DENND2B: variants seen among roughly 807,000 people sequenced by gnomAD.
The protein encoded by DENND2B is DENN domain containing 2B.
Under a neutral mutation model 116.0 loss-of-function variants are expected in DENND2B, and 32 were observed. That is an observed-to-expected ratio of 0.28 (90% CI 0.21 to 0.37). The LOEUF (loss-of-function observed/expected upper bound fraction) is 0.37, where lower values mean the gene tolerates loss of function less well. Ranked by LOEUF, DENND2B falls within the 10% of genes least tolerant of loss-of-function variation. DENND2B has a pLI of 1.00. For synonymous variants in DENND2B, 588 were observed against 583.9 expected (o/e 1.01, Z -0.10); for missense variants, 1,276 against 1,477.7 (o/e 0.86, Z 2.24).
intron 2 of DENND2B, among the ~76,000 whole-genome samples, chr11:8,737,889 A>G (rs996607607): frequency 1.3e-5 from 2 of 150,896 alleles, no homozygotes; most frequent in African/African-American, 4.9e-5. Context: ...CTGGGACTAC[A>G]GGTTCATGCC....
At position 8,810,546 on chromosome 11, in the gene DENND2B, C is replaced by G. The variant is rs1301260145; in HGVS notation, c.-55G>C. On this transcript the variant is annotated 5_prime_UTR_variant, in exon 1 of 20. Transcript: ENST00000313726. ...AAGTCCCGCTGCTTTCCTGCCCACTCCATTCTCACACCGCAGCCGGCTAGG... is the reference window on the plus strand; with the variant it reads ...AAGTCCCGCTGCTTTCCTGCCCACTGCATTCTCACACCGCAGCCGGCTAGG... The G allele has an allele frequency of 2.0e-5, 3 of 152,318 alleles. No individual in the cohort carries two copies. The highest frequency in any genetic ancestry group is 1.3e-4 in the Admixed American group (2 of 15,290). The allele number at this position is 152,318 out of a possible 1,614,324, so 9.4% of individuals were successfully genotyped here. A position where few individuals can be genotyped will look rare whatever the true frequency, so the allele number is the denominator to read the frequency against.
At chr11:8,771,115 C>T (rs2056770603) in intron 1 of DENND2B, among the ~76,000 whole-genome samples, 3 of 152,126 alleles carry the variant, frequency 2.0e-5, no homozygotes, top group Non-Finnish European at 2.9e-5. Flanking sequence ...GGCTTTTCCT[C>T]GAAAACATAT....
intron 2 of DENND2B, among the ~76,000 whole-genome samples, chr11:8,742,168 G>A (rs2050338190): frequency 6.6e-6 from 1 of 152,186 alleles, no homozygotes; most frequent in Non-Finnish European, 1.5e-5. Flanking sequence ...CCAAAGTGCT[G>A]GGATTACAAG....
intron 1 of DENND2B, among the ~76,000 whole-genome samples, chr11:8,805,193 T>G (rs2060734815): frequency 6.6e-6 from 1 of 152,200 alleles, no homozygotes; most frequent in Admixed American, 6.5e-5. Context: ...ATCACTGCAG[T>G]GCACTGCAAT....
At chr11:8,866,672 C>A (rs2063592155) in intron 2 of DENND2B, among the ~76,000 whole-genome samples, 1 of 152,208 alleles carries the variant, frequency 6.6e-6, no homozygotes, top group Non-Finnish European at 1.5e-5. Flanking sequence ...TTACCCTGAT[C>A]TAGAAGAACT....
rs139164332 is a variant in DENND2B, at chr11:8,899,613, C to G, written c.-256+11208G>C. 4.5e-3 allele frequency among the ~76,000 whole-genome samples: 681 copies of G among 152,146 alleles called. 5 individuals are homozygous for G. Among genetic ancestry groups the G allele is most frequent in the African/African-American group, 0.016 (657 of 41,542 alleles). On this transcript the variant is annotated intron_variant, in intron 1 of 22. Coordinates refer to the DENND2B transcript ENST00000534127. ...TATCCAGCAAAAATAGCCTTATAGCCTTTAAATGTGAAGGTGAAATAAAGA... is the reference window on the plus strand; with the variant it reads ...TATCCAGCAAAAATAGCCTTATAGCGTTTAAATGTGAAGGTGAAATAAAGA...
chr11:8,732,393 A>G (rs573105603), intron 2 of DENND2B, among the ~76,000 whole-genome samples: 75 of 152,342 alleles, frequency 4.9e-4, no homozygotes, highest in African/African-American at 1.8e-3. Flanking sequence ...GGTAAGTGAA[A>G]CCAGGACGTG....
At chr11:8,847,355 T>C (rs916766467) in intron 3 of DENND2B, among the ~76,000 whole-genome samples, 3 of 152,180 alleles carry the variant, frequency 2.0e-5, no homozygotes, top group Non-Finnish European at 2.9e-5. Context: ...TGATCATTAA[T>C]TACACTCGCC....
intron 2 of DENND2B, among the ~76,000 whole-genome samples, chr11:8,863,354 T>C (rs931407842): frequency 7.5e-6 from 1 of 133,312 alleles, no homozygotes; most frequent in African/African-American, 2.8e-5. Context: ...CCTCTCAGCC[T>C]CCCCAGCAGC....
At position 8,733,699 on chromosome 11, in the gene DENND2B, C is replaced by T. The variant is rs141531885; in HGVS notation, c.81-2490G>A. Among the ~76,000 whole-genome samples the T allele has an allele frequency of 2.0e-3, 303 of 152,326 alleles. 1 individual carries two copies. The highest frequency in any genetic ancestry group is 6.8e-3 in the African/African-American group (284 of 41,560). ...CACTGTTACTTATGGTAGTGTGGGG[C>T]ATGGCTCCTTGGGATAGGAAAATGA... is the stretch of plus-strand genomic sequence containing the variant. On this transcript the variant is annotated intron_variant, in intron 2 of 19. Coordinates refer to ENST00000313726, the MANE Select transcript of DENND2B (RefSeq NM_213618.2).
At chr11:8,732,468 C>T (rs1372143797) in intron 2 of DENND2B, among the ~76,000 whole-genome samples, 3 of 152,184 alleles carry the variant, frequency 2.0e-5, no homozygotes, top group Non-Finnish European at 2.9e-5. Flanking sequence ...TTCTGAACTG[C>T]CAGGGCCCTG....
intron 1 of DENND2B, among the ~76,000 whole-genome samples, chr11:8,800,926 C>A (rs1410906222): frequency 1.3e-5 from 2 of 151,974 alleles, no homozygotes; most frequent in Non-Finnish European, 2.9e-5. Flanking sequence ...ACTGCTGGGG[C>A]AAGTCTCACC....
intron 4 of DENND2B, among the ~76,000 whole-genome samples, chr11:8,838,551 C>A (rs1394153407): frequency 6.6e-6 from 1 of 152,194 alleles, no homozygotes; most frequent in Non-Finnish European, 1.5e-5. Flanking sequence ...CTAAATATTT[C>A]CTCTGTGACC....
At chr11:8,717,301 C>A (rs983428700) in intron 5 of DENND2B, among the ~76,000 whole-genome samples, 8 of 152,350 alleles carry the variant, frequency 5.3e-5, no homozygotes, top group African/African-American at 1.7e-4. Flanking sequence ...GGACCTACAC[C>A]TAGCCCCCTA....
intron 2 of DENND2B, among the ~76,000 whole-genome samples, chr11:8,732,113 A>G (rs759298825): frequency 1.3e-5 from 2 of 152,178 alleles, no homozygotes; most frequent in Non-Finnish European, 2.9e-5. Flanking sequence ...GAGGAAGCCA[A>G]TGGGGTGGGG....
chr11:8,781,634 AC>A (rs1809933759), intron 1 of DENND2B, among the ~76,000 whole-genome samples: 1 of 152,136 alleles, frequency 6.6e-6, no homozygotes, highest in African/African-American at 2.4e-5. Context: ...ACACACACAC[AC>A]ACACACATAA....
intron 4 of DENND2B, among the ~76,000 whole-genome samples, chr11:8,827,064 T>C (rs556798411): frequency 6.6e-6 from 1 of 152,304 alleles, no homozygotes; most frequent in East Asian, 1.9e-4. Flanking sequence ...TTGGGGGAAT[T>C]CCTGAGCATT....
chr11:8,740,699 C>T (rs1234340890), intron 2 of DENND2B, among the ~76,000 whole-genome samples: 1 of 152,130 alleles, frequency 6.6e-6, no homozygotes, highest in Non-Finnish European at 1.5e-5. Flanking sequence ...TGCTTCCATC[C>T]CTACTAAGCA....
intron 2 of DENND2B, among the ~76,000 whole-genome samples, chr11:8,741,803 C>T (rs1393975641): frequency 2.6e-5 from 4 of 152,198 alleles, no homozygotes; most frequent in Admixed American, 1.3e-4. Context: ...GCCCCAGCAA[C>T]AGCTAGAATC....
Sources: gnomAD v4.1 joint callset for allele counts (sites outside exome capture counted in the v4.1 genomes callset) on GRCh38, gnomAD v4.1.1 for gene constraint, MANE v1.5 for transcripts, NCBI Gene and HGNC (gene_info 2026-07-23, HGNC 2026-07-21) for gene names.